The following GATA4 variants were observed in gnomAD, a reference collection of about 807,000 sequenced individuals.
The protein encoded by GATA4 is GATA binding protein 4.
A neutral mutation model predicts 37.9 loss-of-function variants in GATA4; 7 were observed. The observed-to-expected ratio is 0.18, with a 90% CI of 0.11 to 0.35. The LOEUF (loss-of-function observed/expected upper bound fraction) is 0.35. Ranked by LOEUF, GATA4 falls within the 10% of genes least tolerant of loss-of-function variation. The pLI is 1.00. For synonymous variants in GATA4, 372 were observed against 292.6 expected (o/e 1.27, Z -2.77); for missense variants, 647 against 653.0 (o/e 0.99, Z 0.10).
intron 2 of GATA4, among the ~76,000 whole-genome samples, chr8:11,744,554 G>T (rs550663645): frequency 1.3e-5 from 2 of 152,218 alleles, no homozygotes; most frequent in African/African-American, 4.8e-5. Context: ...GCTTACCGAG[G>T]TTCATACCAG....
chr8:11,727,544 A>C (rs1025249458), intron 2 of GATA4, among the ~76,000 whole-genome samples: 3 of 152,288 alleles, frequency 2.0e-5, no homozygotes, highest in Middle Eastern at 3.4e-3. Flanking sequence ...CAGGCACCTG[A>C]TTTAAAATTC....
intron 1 of GATA4, among the ~76,000 whole-genome samples, chr8:11,693,925 A>C (rs112136317): frequency 4.2e-4 from 64 of 151,946 alleles, no homozygotes; most frequent in African/African-American, 1.5e-3. Context: ...GTCTGTGTGC[A>C]TGTGTGTGCA....
chr8:11,723,953 C>G lies in GATA4; in HGVS notation c.616+15025C>G, dbSNP rs146164940. 1.9e-3 allele frequency among the ~76,000 whole-genome samples: 293 copies of G among 152,304 alleles called. 4 individuals are homozygous for G. Among genetic ancestry groups the G allele is most frequent in the African/African-American group, 6.9e-3 (286 of 41,570 alleles). The stretch of plus-strand genomic sequence containing the variant: ...GCATCTTCCCAAGTGAAACTCTGTA[C>G]CCATTAAATAACGTCTCCGTATCCC... On this transcript the variant is annotated intron_variant, in intron 2 of 6. Transcript: ENST00000532059.
At chr8:11,702,271 C>G (rs567037359), upstream of GATA4, among the ~76,000 whole-genome samples, 22 of 152,316 alleles carry the variant, frequency 1.4e-4, no homozygotes, top group Admixed American at 6.5e-4. The surrounding 1 kb of genome is among the most constrained non-coding windows in gnomAD (Gnocchi z 4.4). Context: ...CTGCCCGGTC[C>G]AGACTCAGCC....
chr8:11,682,151 A>G (rs974647319), intron 1 of GATA4, among the ~76,000 whole-genome samples: 1 of 152,212 alleles, frequency 6.6e-6, no homozygotes, highest in African/African-American at 2.4e-5. Flanking sequence ...TTTTCCAAGC[A>G]CTAGGTGGTG....
upstream of GATA4, among the ~76,000 whole-genome samples, chr8:11,703,422 GC>G (rs1799754196): frequency 1.3e-5 from 2 of 151,980 alleles, no homozygotes; most frequent in Admixed American, 1.3e-4. Flanking sequence ...CCCTGGAAGA[GC>G]CCCCTCCATG....
At chr8:11,746,583 G>C (rs561615838) in intron 2 of GATA4, among the ~76,000 whole-genome samples, 1 of 152,344 alleles carries the variant, frequency 6.6e-6, no homozygotes, top group Non-Finnish European at 1.5e-5. Context: ...CTGTGGAGTG[G>C]GCTTGGTCTA....
At position 11,694,691 on chromosome 8, in the gene GATA4, C is replaced by G. The variant is rs569581987; in HGVS notation, c.-729+2031C>G. ...TGTTGGTGGTGTTGGATTTTAAATT[C>G]AAATTCAAATGACGAAATTAAAATC... On this transcript the variant is annotated intron_variant, in intron 1 of 2. Coordinates refer to the GATA4 transcript ENST00000526974. 6 of 199,468 alleles carry G rather than the reference C, an allele frequency of 3.0e-5. No individual in the cohort carries two copies. In the South Asian group the frequency reaches 7.0e-4, roughly 23 times the overall value. The allele number at this position is 199,468 out of a possible 1,614,324, so 12.4% of individuals were successfully genotyped here.
At chr8:11,726,347 C>T (rs1010963099) in intron 2 of GATA4, among the ~76,000 whole-genome samples, 6 of 152,152 alleles carry the variant, frequency 3.9e-5, no homozygotes, top group East Asian at 3.9e-4. Flanking sequence ...GTAGCAAAGG[C>T]GCCCAAAACC....
chr8:11,680,216 C>T (rs901958096), intron 1 of GATA4, among the ~76,000 whole-genome samples: 12 of 152,232 alleles, frequency 7.9e-5, no homozygotes, highest in African/African-American at 2.9e-4. Flanking sequence ...GTCCCGACCC[C>T]CGGCTCAATC....
chr8:11,708,253 C>A lies in GATA4; in HGVS notation c.-60C>A, dbSNP rs1799983078. 3.9e-6 allele frequency: 6 copies of A among 1,533,298 alleles called. No individual in the cohort carries two copies. Among genetic ancestry groups the A allele is most frequent in the South Asian group, 1.2e-5 (1 of 84,264 alleles). The allele number at this position is 1,533,298 out of a possible 1,614,324, so 95.0% of individuals were successfully genotyped here. On this transcript the variant is annotated 5_prime_UTR_variant, in exon 2 of 7. Coordinates refer to ENST00000532059, the MANE Select transcript of GATA4 (RefSeq NM_001308093.3). This position sits in a 1 kb window ranked among gnomAD's most constrained non-coding sequence, Gnocchi z 6.7. ...TTGTTGCCGTCGTTTTCTCTCCCCG[C>A]GTGGCTCCTTGACCTGCGAGGGAGA... is the stretch of plus-strand genomic sequence containing the variant.
In GATA4 at chr8:11,750,115, C is replaced by G. The variant is rs770884481; in HGVS notation, c.791C>G (p.Ala264Gly). 3.7e-6 allele frequency: 6 copies of G among 1,614,136 alleles called. No individual in the cohort carries two copies. In the East Asian group the frequency reaches 8.9e-5, roughly 24 times the overall value. The part of the protein sequence containing the change: ...PLIKPQRRLS[A>G]SRRVGLSCAN... ...CATTTGTTTCCTGTCTTGCAGTCCG[C>G]CTCCCGCCGAGTGGGCCTCTCCTGT... Residue 264 changes from alanine to glycine, a missense_variant, in exon 4 of 7, where the codon GCC becomes GGC. This residue lies in a region of GATA4 where 56 missense variants were observed against 64.5 expected (regional missense o/e 0.87). Transcript: ENST00000532059.
chr8:11,681,115 G>C (rs1798956831), intron 1 of GATA4: 1 of 983,720 alleles, frequency 1.0e-6, no homozygotes, highest in South Asian at 4.7e-5. Flanking sequence ...CGCAGGGTTC[G>C]TGGTCCGGAA....
At chr8:11,694,053 C>T (rs924403034) in intron 1 of GATA4, among the ~76,000 whole-genome samples, 1 of 152,194 alleles carries the variant, frequency 6.6e-6, no homozygotes, top group Non-Finnish European at 1.5e-5. Flanking sequence ...CTGCCCTTTT[C>T]CCCAAGGAGG....
At chr8:11,681,116 T>A (rs1310913469) in intron 1 of GATA4, 7 of 983,654 alleles carry the variant, frequency 7.1e-6, no homozygotes, top group Middle Eastern at 5.2e-4. Flanking sequence ...GCAGGGTTCG[T>A]GGTCCGGAAA....
chr8:11,707,174 A>G lies in GATA4; in HGVS notation c.-457-682A>G, dbSNP rs1390285808. Among the ~76,000 whole-genome samples, 1 of 152,208 alleles carries G rather than the reference A, an allele frequency of 6.6e-6. No individual in the cohort carries two copies. The highest frequency in any genetic ancestry group is 1.5e-5 in the Non-Finnish European group (1 of 68,042). Reference sequence around the variant, plus strand: ...CTGATATACAATTTGCAAAACGTCTAAATTGTAACTATTTGCAAGAAACCT... The same window carrying G: ...CTGATATACAATTTGCAAAACGTCTGAATTGTAACTATTTGCAAGAAACCT... On this transcript the variant is annotated intron_variant, in intron 1 of 6. Transcript: ENST00000532059. This position sits in a 1 kb window ranked among gnomAD's most constrained non-coding sequence, Gnocchi z 4.7.
At chr8:11,742,646 G>A (rs1435736563) in intron 2 of GATA4, among the ~76,000 whole-genome samples, 2 of 152,228 alleles carry the variant, frequency 1.3e-5, no homozygotes, top group Non-Finnish European at 2.9e-5. Context: ...CCGGAGCGCC[G>A]CTGGAGCTGT....
chr8:11,704,979 C>G (rs1799828203), intron 1 of GATA4, among the ~76,000 whole-genome samples: 1 of 152,258 alleles, frequency 6.6e-6, no homozygotes, highest in Admixed American at 6.5e-5. Context: ...GGACCGGAGC[C>G]GTGACTTCCC....
chr8:11,688,943 G>A (rs1236886452), upstream of GATA4, among the ~76,000 whole-genome samples: 8 of 152,166 alleles, frequency 5.3e-5, no homozygotes, highest in African/African-American at 1.9e-4. Flanking sequence ...TTATTTGGGA[G>A]GTGAGCACTA....
Sources: gnomAD v4.1 joint callset for allele counts (sites outside exome capture counted in the v4.1 genomes callset) on GRCh38, gnomAD v4.1.1 for gene constraint, gnomAD v4.1.1 regional missense constraint, Gnocchi (gnomAD v3.1) non-coding constraint, MANE v1.5 for transcripts, NCBI Gene and HGNC (gene_info 2026-07-23, HGNC 2026-07-21) for gene names.